Variants in DPF3 observed in about 807,000 individuals in gnomAD.
The protein encoded by DPF3 is double PHD fingers 3.
DPF3 carries 18 observed loss-of-function variants against 56.8 expected under a neutral mutation model. That is an observed-to-expected ratio of 0.32 (90% CI 0.22 to 0.47). The LOEUF (loss-of-function observed/expected upper bound fraction) is 0.47, where lower values mean the gene tolerates loss of function less well. Ranked by LOEUF, DPF3 falls within the 20% of genes least tolerant of loss-of-function variation. The probability of loss-of-function intolerance (pLI) is 1.00; values close to 1 mark genes in which losing one functional copy is unlikely to be tolerated. For synonymous variants in DPF3, 188 were observed against 180.2 expected, an observed-to-expected ratio of 1.04 and a Z score of -0.35; for missense variants, 403 against 488.8, an observed-to-expected ratio of 0.82 and a Z score of 1.65.
intron 1 of DPF3, among the ~76,000 whole-genome samples, chr14:72,890,351 T>A (rs1161856774): frequency 6.6e-6 from 1 of 151,700 alleles, no homozygotes; most frequent in East Asian, 1.9e-4. Context: ...ATTAGCCAGG[T>A]GTAGTGGTGC....
intron 8 of DPF3, among the ~76,000 whole-genome samples, chr14:72,654,679 A>C (rs1278326438): frequency 1.3e-5 from 2 of 152,200 alleles, no homozygotes; most frequent in Non-Finnish European, 2.9e-5. Context: ...TGGCTTTAAC[A>C]AGTTAATATC....
Position 72,617,435 on chromosome 14 carries a change from C to G in DPF3, c.*1862G>C, listed in dbSNP as rs1427149790. Among the ~76,000 whole-genome samples the G allele has an allele frequency of 2.0e-5, 3 of 152,160 alleles. No individual in the cohort carries two copies. The highest frequency in any genetic ancestry group is 4.4e-5 in the Non-Finnish European group (3 of 68,034). On this transcript the variant is annotated 3_prime_UTR_variant, in exon 11 of 11. Transcript: ENST00000556509. The stretch of plus-strand genomic sequence containing the variant: ...TGATGGAATGTCACCCTCCCTATCC[C>G]TCCCTGGGCCTTCAGGATTCAGACA...
intron 1 of DPF3, among the ~76,000 whole-genome samples, chr14:72,891,873 T>C (rs1048706802): frequency 6.6e-6 from 1 of 152,096 alleles, no homozygotes; most frequent in Non-Finnish European, 1.5e-5. Context: ...CAATTACAAA[T>C]ACATCACGTT....
intron 1 of DPF3, among the ~76,000 whole-genome samples, chr14:72,875,062 A>G (rs1455106070): frequency 6.6e-6 from 1 of 152,216 alleles, no homozygotes; most frequent in African/African-American, 2.4e-5. Context: ...GCAAAAGCTG[A>G]AACCCCTGAT....
At chr14:72,879,892 A>G in intron 1 of DPF3, 2 of 1,527,702 alleles carry the variant, frequency 1.3e-6, no homozygotes, top group East Asian at 2.4e-5. Context: ...GTTCACATCT[A>G]TATGCGTGTT....
At chr14:72,688,295 A>ATGGGTGGGTGGGTGGG in intron 7 of DPF3, among the ~76,000 whole-genome samples, 1 of 12,054 alleles carries the variant, frequency 8.3e-5, no homozygotes, top group East Asian at 3.8e-3. Flanking sequence ...GGGTGGATGG[A>ATGGGTGGGTGGGTGGG]TGGGTGGGTG....
intron 1 of DPF3, among the ~76,000 whole-genome samples, chr14:72,772,368 A>G (rs1891570980): frequency 6.6e-6 from 1 of 152,240 alleles, no homozygotes. Flanking sequence ...TCAGTTTTCC[A>G]TTACAACAGA....
intron 8 of DPF3, among the ~76,000 whole-genome samples, chr14:72,659,226 A>G (rs528430183): frequency 6.6e-6 from 1 of 152,276 alleles, no homozygotes; most frequent in African/African-American, 2.4e-5. Flanking sequence ...TTCACCAAAG[A>G]TACCTGCTCT....
At chr14:72,664,440 C>CT (rs1886359812) in intron 8 of DPF3, among the ~76,000 whole-genome samples, 1 of 152,064 alleles carries the variant, frequency 6.6e-6, no homozygotes, top group Non-Finnish European at 1.5e-5. Context: ...CTTTTGTTTC[C>CT]TCTGGTCAGG....
intron 1 of DPF3, among the ~76,000 whole-genome samples, chr14:72,884,971 T>TATATATATATATATATACATACATA (rs10523148): frequency 9.0e-6 from 1 of 111,686 alleles, no homozygotes; most frequent in Non-Finnish European, 1.9e-5. Context: ...TATATATATA[T>TATATATATATATATATACATACATA]TAGCCGGGCG....
At position 72,689,703 on chromosome 14, in the gene DPF3, G is replaced by A. The variant is rs147840685; in HGVS notation, c.742+3373C>T. Among the ~76,000 whole-genome samples the A allele has an allele frequency of 2.1e-4, 32 of 152,338 alleles. No homozygotes were observed. The East Asian group carries it at 6.0e-3, about 28-fold the overall frequency. ...GGGGCTGCTCACCAGGGGAATGTGG[G>A]AGGGAGCAGAGCACACATTCGGGGC... On this transcript the variant is annotated intron_variant, in intron 7 of 10. Coordinates refer to ENST00000556509, the MANE Select transcript of DPF3 (RefSeq NM_001280542.3).
intron 5 of DPF3, among the ~76,000 whole-genome samples, chr14:72,717,438 T>A (rs982396341): frequency 2.6e-5 from 4 of 152,168 alleles, no homozygotes; most frequent in Admixed American, 2.6e-4. Flanking sequence ...AACACATCAT[T>A]TCCCCCCTCC....
rs1555516751 is a variant in DPF3, at chr14:72,884,953, T to TATATATATATAC, written c.32+9103_32+9104insGTATATATATAT. ...CTACTAAAAATACTATATATATATA[T>TATATATATATAC]ATATATATATATATATATTAGCCGG... On this transcript the variant is annotated intron_variant, in intron 1 of 10. Coordinates refer to ENST00000556509, the MANE Select transcript of DPF3 (RefSeq NM_001280542.3). Among the ~76,000 whole-genome samples, 10 of 73,780 alleles carry TATATATATATAC rather than the reference T, an allele frequency of 1.4e-4. 2 individuals are homozygous for TATATATATATAC. In the South Asian group the frequency reaches 2.1e-3, roughly 16 times the overall value. 48.4% of individuals were successfully genotyped at this position (73,780 alleles called of 152,430 possible).
chr14:72,618,067 T>G lies in DPF3; in HGVS notation c.*1230A>C, dbSNP rs563895472. Among the ~76,000 whole-genome samples, 2 of 151,884 alleles carry G rather than the reference T, an allele frequency of 1.3e-5. No individual in the cohort carries two copies. Among genetic ancestry groups the G allele is most frequent in the Admixed American group, 1.3e-4 (2 of 15,258 alleles). Reference sequence around the variant, plus strand: ...TCTTTCTTCTAGACACATTTTTTTTTGAAAACAAGAGTCCTGCATGTTTGG... The same window carrying G: ...TCTTTCTTCTAGACACATTTTTTTTGGAAAACAAGAGTCCTGCATGTTTGG... On this transcript the variant is annotated 3_prime_UTR_variant, in exon 11 of 11. Transcript: ENST00000556509.
chr14:72,708,973 G>C (rs1029494214), intron 6 of DPF3, among the ~76,000 whole-genome samples: 1 of 152,384 alleles, frequency 6.6e-6, no homozygotes. Flanking sequence ...GAGGAAACCA[G>C]TGCCATAGCA....
intron 1 of DPF3, among the ~76,000 whole-genome samples, chr14:72,777,735 ACT>A (rs552411392): frequency 3.7e-4 from 55 of 150,474 alleles, no homozygotes; most frequent in African/African-American, 9.8e-4. Flanking sequence ...CTCCCTGCTG[ACT>A]CTCTCTCTCT....
intron 6 of DPF3, among the ~76,000 whole-genome samples, chr14:72,702,650 A>C (rs1167159379): frequency 1.3e-5 from 2 of 152,122 alleles, no homozygotes; most frequent in Non-Finnish European, 2.9e-5. Context: ...TGGGGGATGG[A>C]GGCATTCCTA....
intron 1 of DPF3, among the ~76,000 whole-genome samples, chr14:72,893,582 G>A (rs1886862097): frequency 6.6e-6 from 1 of 151,952 alleles, no homozygotes; most frequent in Admixed American, 6.5e-5. Context: ...TGGACCCAGC[G>A]GACCCAGCGG....
chr14:72,639,588 T>C (rs888826479), intron 8 of DPF3, among the ~76,000 whole-genome samples: 4 of 152,134 alleles, frequency 2.6e-5, no homozygotes, highest in African/African-American at 9.7e-5. Context: ...TGTGGCAACA[T>C]ATGAAGGAAG....
Sources: allele counts gnomAD v4.1 joint callset (sites outside exome capture counted in the v4.1 genomes callset), GRCh38; gene constraint gnomAD v4.1.1; transcripts MANE v1.5; gene names NCBI Gene and HGNC (gene_info 2026-07-23, HGNC 2026-07-21).